The following ATP11C variants were observed in gnomAD, a reference collection of about 807,000 sequenced individuals.
ATP11C encodes the protein ATPase phospholipid transporting 11C (ATP11C blood group), also known as phospholipid-transporting ATPase IG.
In ATP11C, 36 loss-of-function variants were observed where a neutral mutation model predicts 97.4. The observed-to-expected ratio is 0.37, with a 90% CI of 0.28 to 0.49. The LOEUF (loss-of-function observed/expected upper bound fraction) is 0.49, where lower values mean the gene tolerates loss of function less well. Ranked by LOEUF, ATP11C falls within the 20% of genes least tolerant of loss-of-function variation. ATP11C has a pLI of 0.98. For synonymous variants in ATP11C, 275 were observed against 290.9 expected, an observed-to-expected ratio of 0.95 and a Z score of 0.56; for missense variants, 730 against 824.6, an observed-to-expected ratio of 0.89 and a Z score of 1.40.
At chrX:139,840,809 G>C (rs2083817515) in intron 1 of ATP11C, among the ~76,000 whole-genome samples, 1 of 109,893 alleles carries the variant, frequency 9.1e-6, no homozygotes, top group Non-Finnish European at 1.9e-5. Context: ...TCTGCAAGCA[G>C]AGCAGGGAGA....
intron 19 of ATP11C, among the ~76,000 whole-genome samples, chrX:139,769,249 G>A (rs1336280807): frequency 1.2e-5 from 1 of 82,574 alleles, no homozygotes; most frequent in African/African-American, 4.4e-5. Context: ...TAGCAATATA[G>A]GGAAAAGACA....
rs995754250 is a variant in ATP11C, at chrX:139,732,917, A to G, written c.3289-1162T>C. ...GGTCAAAGAGTTATGTCCAGGGTCC[A>G]TTGCCAATCACCAATCTATCTTGAA... On this transcript the variant is annotated intron_variant, in intron 28 of 29. Transcript: ENST00000682941. Among the ~76,000 whole-genome samples, 3 of 111,785 alleles carry G rather than the reference A, an allele frequency of 2.7e-5. No homozygotes were observed. In the East Asian group the frequency reaches 8.5e-4, roughly 32 times the overall value.
chrX:139,925,859 T>C (rs2085343445), intron 1 of ATP11C, among the ~76,000 whole-genome samples: 1 of 111,914 alleles, frequency 8.9e-6, no homozygotes, highest in Non-Finnish European at 1.9e-5. Context: ...GTTAACCTTC[T>C]AAATCTGGAA....
rs192229330 is a variant in ATP11C, at chrX:139,854,560, A to G, written c.28-27737T>C. The stretch of plus-strand genomic sequence containing the variant: ...GAAAGGGATGTTTGCAATAAGTCAG[A>G]AAGTTGAGGCATGTCGAAGAATTGT... On this transcript the variant is annotated intron_variant, in intron 1 of 29. Coordinates refer to ENST00000682941, the MANE Select transcript of ATP11C (RefSeq NM_001353812.2). Among the ~76,000 whole-genome samples, 68 of 111,766 alleles carry G rather than the reference A, an allele frequency of 6.1e-4. 1 individual carries two copies. The highest frequency in any genetic ancestry group is 5.6e-4 in the East Asian group (2 of 3,566).
At chrX:139,863,703 A>G (rs752672433) in intron 1 of ATP11C, among the ~76,000 whole-genome samples, 1 of 111,042 alleles carries the variant, frequency 9.0e-6, no homozygotes, top group Admixed American at 9.6e-5. Flanking sequence ...TTACTGATGG[A>G]AAGTACATTT....
chrX:139,784,519 C>T (rs746395211), intron 16 of ATP11C, among the ~76,000 whole-genome samples: 54 of 111,097 alleles, frequency 4.9e-4, no homozygotes, highest in African/African-American at 1.7e-3. Context: ...CAAACCACCT[C>T]GGCACACCAC....
chrX:139,743,518 A>G, intron 26 of ATP11C, 41 bp downstream of exon 26: 1 of 917,259 alleles, frequency 1.1e-6, no homozygotes. Context: ...AAGTATTATA[A>G]AAACAGTATT....
intron 1 of ATP11C, among the ~76,000 whole-genome samples, chrX:139,929,097 T>C: frequency 8.9e-6 from 1 of 112,340 alleles, no homozygotes; most frequent in Non-Finnish European, 1.9e-5. Flanking sequence ...TCTGATTAAA[T>C]ATGCCTTTGA....
chrX:139,857,731 C>T (rs965066686), intron 1 of ATP11C, among the ~76,000 whole-genome samples: 1 of 110,220 alleles, frequency 9.1e-6, no homozygotes, highest in African/African-American at 3.3e-5. Flanking sequence ...TCTGTAAGGG[C>T]GCACCCTTCT....
rs777751953 is a variant in ATP11C, at chrX:139,833,123, A to G, written c.28-6300T>C. 7.1e-5 allele frequency among the ~76,000 whole-genome samples: 8 copies of G among 112,274 alleles called. No homozygotes were observed. The East Asian group carries it at 2.2e-3, about 31-fold the overall frequency. On this transcript the variant is annotated intron_variant, in intron 1 of 29. Coordinates refer to ENST00000682941, the MANE Select transcript of ATP11C (RefSeq NM_001353812.2). ...TTTTTTCAGTGATAGTGTCATTACT[A>G]TAAAAGTGATGTTTCCTAGAAAGGT...
At position 139,787,216 on chromosome X, in the gene ATP11C, T is replaced by C; in HGVS notation, c.1549A>G (p.Asn517Asp). Residue 517 changes from asparagine to aspartate, a missense_variant, in exon 15 of 30, where the codon AAT (asparagine) becomes GAT (aspartate). Transcript: ENST00000682941. ...RYGFTFLGNR[N>D]GYMRVENQRK... ...TGGTTCTCTACTCTCATATATCCAT[T>C]TCGATTTCCTAAAAATGTGAACCCG... 8.4e-7 allele frequency: 1 copy of C among 1,191,306 alleles called. No individual in the cohort carries two copies. Among genetic ancestry groups the C allele is most frequent in the Non-Finnish European group, 1.1e-6 (1 of 877,965 alleles).
intron 1 of ATP11C, among the ~76,000 whole-genome samples, chrX:139,916,947 T>C (rs1213961023): frequency 1.8e-5 from 2 of 110,976 alleles, no homozygotes; most frequent in Non-Finnish European, 3.8e-5. Flanking sequence ...TAAAAATAAA[T>C]ATCTCAGAAG....
Position 139,731,654 on chromosome X carries a change from TTACAA to T in ATP11C, c.3385_3389del (p.Leu1129ThrfsTer6), listed in dbSNP as rs1235586303. 8.6e-7 allele frequency: 1 copy of T among 1,167,464 alleles called. No individual in the cohort carries two copies. ...CCATTTGTTTAACACTAGGTACCTG[TTACAA>T]TACATTAGATTCGTCTGAGAATGTT... On this transcript the variant is annotated frameshift_variant and stop_lost, in exon 29 of 30. Coordinates refer to ENST00000682941, the MANE Select transcript of ATP11C (RefSeq NM_001353812.2). LOFTEE classifies it high-confidence loss of function.
intron 16 of ATP11C, among the ~76,000 whole-genome samples, chrX:139,784,961 T>C (rs2082542682): frequency 8.9e-6 from 1 of 111,774 alleles, no homozygotes; most frequent in Admixed American, 9.5e-5. Flanking sequence ...CAGTTCCTGT[T>C]CGAACACCCA....
chrX:139,756,981 A>C (rs1451287158), intron 23 of ATP11C, among the ~76,000 whole-genome samples: 2 of 104,475 alleles, frequency 1.9e-5, no homozygotes, highest in African/African-American at 7.1e-5. Context: ...AAAAAAAAAA[A>C]AAAAAAAAAA....
At chrX:139,918,318 A>AG (rs2085188783) in intron 1 of ATP11C, among the ~76,000 whole-genome samples, 1 of 111,984 alleles carries the variant, frequency 8.9e-6, no homozygotes. Flanking sequence ...AGTCTTTAAA[A>AG]GGAAGAAAAT....
At chrX:139,785,407 G>A (rs1170564218) in intron 15 of ATP11C, 108 bp from the exon 16 acceptor site, 1 of 533,891 alleles carries the variant, frequency 1.9e-6, no homozygotes, top group African/African-American at 2.3e-5. Context: ...AGATAGCACT[G>A]GTTGTGTGCA....
At chrX:139,782,898 T>C (rs2082494056) in intron 17 of ATP11C, among the ~76,000 whole-genome samples, 170 bp from the exon 18 acceptor site, 1 of 111,844 alleles carries the variant, frequency 8.9e-6, no homozygotes, top group South Asian at 3.7e-4. Flanking sequence ...TCAATTAGGT[T>C]CAGAAAAAGG....
intron 1 of ATP11C, among the ~76,000 whole-genome samples, chrX:139,830,835 G>C (rs1340664295): frequency 9.0e-6 from 1 of 111,131 alleles, no homozygotes; most frequent in Admixed American, 9.6e-5. Context: ...ATTCAAAATT[G>C]AAAGAGCATT....
Sources: gnomAD v4.1 joint callset for allele counts (sites outside exome capture counted in the v4.1 genomes callset) on GRCh38, gnomAD v4.1.1 for gene constraint, MANE v1.5 for transcripts, NCBI Gene and HGNC (gene_info 2026-07-23, HGNC 2026-07-21) for gene names.